Variants in ADGRV1 observed in about 807,000 individuals in gnomAD.
ADGRV1 encodes adhesion G protein-coupled receptor V1.
ADGRV1 carries 359 observed loss-of-function variants against 596.2 expected under a neutral mutation model. The observed-to-expected ratio is 0.60, with a 90% CI of 0.55 to 0.66. The LOEUF (loss-of-function observed/expected upper bound fraction) is 0.66, where lower values mean the gene tolerates loss of function less well. Among genes scored for constraint, ADGRV1 ranks in the 30% least tolerant of loss-of-function variants. The pLI is 0.00. For synonymous variants in ADGRV1, 2,681 were observed against 2,679.2 expected (o/e 1.00, Z -0.02); for missense variants, 7,274 against 7,575.6 (o/e 0.96, Z 1.48).
chr5:90,569,383 ATATATTTTTTTTTT>A (rs1440038045), intron 1 of ADGRV1, among the ~76,000 whole-genome samples: 23 of 17,408 alleles, frequency 1.3e-3, no homozygotes, highest in African/African-American at 5.6e-3. Flanking sequence ...ATATATATAT[ATATATTTTTTTTTT>A]TTTTTTTTTT....
At chr5:90,853,989 A>G in intron 80 of ADGRV1, 73 bp from the exon 81 acceptor site, 1 of 1,119,510 alleles carries the variant, frequency 8.9e-7, no homozygotes, top group South Asian at 1.4e-5. Context: ...AATGAAGTCA[A>G]GTTCAGGGTA....
intron 83 of ADGRV1, among the ~76,000 whole-genome samples, chr5:90,962,880 AT>A (rs1778151461): frequency 1.3e-5 from 2 of 152,236 alleles, no homozygotes; most frequent in South Asian, 4.1e-4. Flanking sequence ...TGTTAAAACT[AT>A]TCTGAAAGTA....
chr5:91,077,189 A>AGAGAAATCAAG (rs1788934324), intron 86 of ADGRV1, among the ~76,000 whole-genome samples: 2 of 152,186 alleles, frequency 1.3e-5, no homozygotes, highest in Non-Finnish European at 2.9e-5. Flanking sequence ...TCTCTATAGA[A>AGAGAAATCAAG]CAGAAATCAA....
chr5:91,101,295 A>T (rs1031452302), intron 86 of ADGRV1, among the ~76,000 whole-genome samples: 4 of 152,224 alleles, frequency 2.6e-5, no homozygotes, highest in African/African-American at 9.6e-5. Context: ...GAAAATTGCT[A>T]AAGTTGTAAG....
intron 83 of ADGRV1, among the ~76,000 whole-genome samples, chr5:90,928,556 A>G (rs1001506231): frequency 6.0e-5 from 9 of 150,142 alleles, no homozygotes; most frequent in Non-Finnish European, 1.2e-4. Flanking sequence ...AAAGTTTTCA[A>G]CTTCTTTGCC....
chr5:90,946,475 T>A (rs947919576), intron 83 of ADGRV1, among the ~76,000 whole-genome samples: 1 of 152,176 alleles, frequency 6.6e-6, no homozygotes, highest in Non-Finnish European at 1.5e-5. Context: ...AATTTTAAGT[T>A]TCAGGATACA....
intron 77 of ADGRV1, among the ~76,000 whole-genome samples, chr5:90,832,754 TG>T (rs1372506871): frequency 6.6e-6 from 1 of 152,212 alleles, no homozygotes; most frequent in African/African-American, 2.4e-5. Context: ...AATCCATTTT[TG>T]TTTTGATTTG....
In ADGRV1 at chr5:91,102,330, A is replaced by G. The variant is rs371895540; in HGVS notation, c.18422A>G (p.Asn6141Ser). 12 of 1,597,794 alleles carry G rather than the reference A, an allele frequency of 7.5e-6. No individual in the cohort carries two copies. Among genetic ancestry groups the G allele is most frequent in the Middle Eastern group, 1.7e-4 (1 of 6,044 alleles). ...ATGTTGGTTCTCTTTGTCATTTTCA[A>G]CAGTCTGCAGGTAAGCCTTACAATT... is the stretch of plus-strand genomic sequence containing the variant. The part of the protein sequence containing the change: ...FWMLVLFVIF[N>S]SLQGLYVFMV... Residue 6141 changes from asparagine (N) to serine (S), a missense_variant, in exon 87 of 90, where the codon AAC (asparagine) becomes AGC (serine). Coordinates refer to ENST00000405460, the MANE Select transcript of ADGRV1 (RefSeq NM_032119.4).
intron 83 of ADGRV1, among the ~76,000 whole-genome samples, chr5:90,950,238 A>G (rs1270404073): frequency 6.6e-6 from 1 of 152,196 alleles, no homozygotes; most frequent in East Asian, 1.9e-4. Context: ...TATCAATGCA[A>G]TTACACTGTT....
intron 85 of ADGRV1, among the ~76,000 whole-genome samples, chr5:91,063,393 A>G (rs1312122250): frequency 6.6e-6 from 1 of 152,226 alleles, no homozygotes; most frequent in Admixed American, 6.5e-5. Flanking sequence ...TCTGTCTAGT[A>G]TATGGATTTT....
intron 83 of ADGRV1, among the ~76,000 whole-genome samples, chr5:90,866,536 C>T (rs190611581): frequency 1.9e-3 from 283 of 152,046 alleles, no homozygotes; most frequent in Middle Eastern, 6.8e-3. Context: ...GCCATGATGG[C>T]GTTCAGTAAA....
chr5:91,044,578 G>A (rs1220012612), intron 85 of ADGRV1, among the ~76,000 whole-genome samples: 1 of 152,070 alleles, frequency 6.6e-6, no homozygotes, highest in Non-Finnish European at 1.5e-5. Context: ...ATAGCCAAAG[G>A]TTGTTTAAGT....
At chr5:90,771,421 T>G (rs1385949919) in intron 59 of ADGRV1, among the ~76,000 whole-genome samples, 1 of 152,222 alleles carries the variant, frequency 6.6e-6, no homozygotes, top group Non-Finnish European at 1.5e-5. Flanking sequence ...AGGCTTAATC[T>G]AAACAAAGGC....
chr5:90,992,765 T>C (rs1376326393), intron 85 of ADGRV1, among the ~76,000 whole-genome samples: 3 of 152,238 alleles, frequency 2.0e-5, no homozygotes, highest in African/African-American at 7.2e-5. Context: ...AGTTCTTTTT[T>C]CCAAGCTAAA....
intron 84 of ADGRV1, among the ~76,000 whole-genome samples, chr5:90,970,290 C>T (rs1778847126): frequency 6.6e-6 from 1 of 152,166 alleles, no homozygotes; most frequent in African/African-American, 2.4e-5. Context: ...CAGACTCCAC[C>T]TCTGGGGGCA....
intron 83 of ADGRV1, among the ~76,000 whole-genome samples, chr5:90,920,403 C>A (rs1773773802): frequency 6.6e-6 from 1 of 152,120 alleles, no homozygotes; most frequent in African/African-American, 2.4e-5. Flanking sequence ...TAGAACATAA[C>A]AAATACTCTT....
rs368626939 is a variant in ADGRV1 at position 91,086,098 on chromosome 5, T to A, written c.18310+13494T>A. On this transcript the variant is annotated intron_variant, in intron 86 of 89. Transcript: ENST00000405460. ...TTGGTTTTCACGACACCCTATTCTT[T>A]TACAAGTATTTTCCTGCTAACTCCC... is the stretch of plus-strand genomic sequence containing the variant. Among the ~76,000 whole-genome samples the A allele has an allele frequency of 2.0e-5, 3 of 152,192 alleles. No individual in the cohort carries two copies. In the East Asian group the frequency reaches 5.8e-4, roughly 29 times the overall value.
chr5:91,018,964 A>C (rs1783403743), intron 85 of ADGRV1, among the ~76,000 whole-genome samples: 1 of 151,962 alleles, frequency 6.6e-6, no homozygotes, highest in Non-Finnish European at 1.5e-5. Context: ...TGCCTCCCTC[A>C]GGGTGGCAAC....
chr5:91,102,626 T>C (rs970488111), intron 87 of ADGRV1, among the ~76,000 whole-genome samples: 1 of 152,230 alleles, frequency 6.6e-6, no homozygotes, highest in Non-Finnish European at 1.5e-5. Flanking sequence ...TTCAGTAGGA[T>C]TGATGTTTAT....
Sources: allele counts gnomAD v4.1 joint callset (sites outside exome capture counted in the v4.1 genomes callset), GRCh38; gene constraint gnomAD v4.1.1; transcripts MANE v1.5; gene names NCBI Gene and HGNC (gene_info 2026-07-23, HGNC 2026-07-21).